The following SMOC1 variants were observed in gnomAD, a reference collection of about 807,000 sequenced individuals.
SMOC1 encodes the protein SPARC-related modular calcium-binding protein 1.
Under a neutral mutation model 56.3 loss-of-function variants are expected in SMOC1, and 22 were observed. The observed-to-expected ratio is 0.39, with a 90% CI of 0.28 to 0.56. The LOEUF (loss-of-function observed/expected upper bound fraction) is 0.56, where lower values mean the gene tolerates loss of function less well. Among genes scored for constraint, SMOC1 ranks in the 20% least tolerant of loss-of-function variants. SMOC1 has a pLI of 0.61. For missense variants in SMOC1, 509 were observed against 565.4 expected (o/e 0.90, Z 1.01); for synonymous variants, 193 against 215.0 (o/e 0.90, Z 0.89).
chr14:69,950,514 G>C (rs1160826695), intron 1 of SMOC1, among the ~76,000 whole-genome samples: 1 of 152,238 alleles, frequency 6.6e-6, no homozygotes, highest in East Asian at 1.9e-4. Context: ...AGCTTGGTTT[G>C]ATTACATAGT....
At chr14:69,965,227 A>C (rs2139477240) in intron 3 of SMOC1, among the ~76,000 whole-genome samples, 1 of 152,022 alleles carries the variant, frequency 6.6e-6, no homozygotes, top group African/African-American at 2.4e-5. Flanking sequence ...AAAACACACA[A>C]AAAATTAGCC....
chr14:69,910,011 T>C (rs1350845797), intron 1 of SMOC1, among the ~76,000 whole-genome samples: 1 of 152,240 alleles, frequency 6.6e-6, no homozygotes, highest in Non-Finnish European at 1.5e-5. Context: ...AGCAGATGGT[T>C]TCCTCCTGGC....
At chr14:69,997,978 TC>T (rs1884829104) in intron 7 of SMOC1, among the ~76,000 whole-genome samples, 1 of 152,136 alleles carries the variant, frequency 6.6e-6, no homozygotes, top group Non-Finnish European at 1.5e-5. Context: ...ACCCCACACA[TC>T]CTTTTTTCAC....
At chr14:69,892,747 C>G (rs1465171280) in intron 1 of SMOC1, among the ~76,000 whole-genome samples, 1 of 152,180 alleles carries the variant, frequency 6.6e-6, no homozygotes, top group Non-Finnish European at 1.5e-5. Context: ...GTCTTATCAT[C>G]TGTACATTTT....
intron 1 of SMOC1, among the ~76,000 whole-genome samples, chr14:69,936,082 C>T (rs1594811119): frequency 6.6e-6 from 1 of 152,160 alleles, no homozygotes; most frequent in East Asian, 1.9e-4. Flanking sequence ...GCATGTCTTG[C>T]AAGGTCTTAT....
intron 3 of SMOC1, among the ~76,000 whole-genome samples, chr14:69,972,681 A>G (rs1402407067): frequency 6.6e-6 from 1 of 152,178 alleles, no homozygotes; most frequent in South Asian, 2.1e-4. Flanking sequence ...ACTGGGATAC[A>G]ATGGGCACAC....
chr14:70,022,998 G>A (rs1047337491), intron 10 of SMOC1, among the ~76,000 whole-genome samples: 1 of 152,222 alleles, frequency 6.6e-6, no homozygotes, highest in Non-Finnish European at 1.5e-5. Flanking sequence ...CACCTGGGGA[G>A]TCCTGAGAAA....
intron 1 of SMOC1, among the ~76,000 whole-genome samples, chr14:69,900,032 A>G (rs1884201488): frequency 2.0e-5 from 3 of 152,308 alleles, no homozygotes; most frequent in African/African-American, 7.2e-5. Context: ...AGCTTCTTAC[A>G]TACTCGCCAT....
At chr14:69,910,190 T>C (rs182972835) in intron 1 of SMOC1, among the ~76,000 whole-genome samples, 8 of 152,374 alleles carry the variant, frequency 5.3e-5, no homozygotes, top group Non-Finnish European at 1.2e-4. Flanking sequence ...TTTATTTCTG[T>C]CAACTGGTTC....
At chr14:69,908,139 T>TG (rs1353826996) in intron 1 of SMOC1, among the ~76,000 whole-genome samples, 10 of 152,200 alleles carry the variant, frequency 6.6e-5, no homozygotes, top group African/African-American at 2.4e-4. Flanking sequence ...GGATTCAGTG[T>TG]GGGGAAAAAA....
chr14:69,898,483 T>C lies in SMOC1; in HGVS notation c.99+18706T>C, dbSNP rs557162104. 2.0e-5 allele frequency among the ~76,000 whole-genome samples: 3 copies of C among 152,260 alleles called. No individual in the cohort carries two copies. The South Asian group carries it at 6.2e-4, about 32-fold the overall frequency. ...AATTCTGTTTTTTTTTTCCAGTCTTTTTTCTCTTTGCTTTTCAGTTTTGGA... is the reference window on the plus strand; with the variant it reads ...AATTCTGTTTTTTTTTTCCAGTCTTCTTTCTCTTTGCTTTTCAGTTTTGGA... On this transcript the variant is annotated intron_variant, in intron 1 of 11. Transcript: ENST00000361956.
At chr14:69,950,729 G>A (rs1882964507) in intron 1 of SMOC1, among the ~76,000 whole-genome samples, 1 of 152,190 alleles carries the variant, frequency 6.6e-6, no homozygotes, top group African/African-American at 2.4e-5. Flanking sequence ...CTCATGGATT[G>A]TAATAGCCCA....
intron 11 of SMOC1, among the ~76,000 whole-genome samples, chr14:70,023,797 G>A (rs987491981): frequency 6.6e-6 from 1 of 151,346 alleles, no homozygotes; most frequent in African/African-American, 2.4e-5. Context: ...ATGGTCGCAG[G>A]TTGTAGGGTG....
At chr14:69,912,656 C>A (rs1244335742) in intron 1 of SMOC1, among the ~76,000 whole-genome samples, 2 of 152,180 alleles carry the variant, frequency 1.3e-5, no homozygotes, top group Non-Finnish European at 2.9e-5. Context: ...TGTCATCATC[C>A]TTCAGTTGTG....
At position 70,032,272 on chromosome 14, in the gene SMOC1, G is replaced by A. The variant is rs976568835; in HGVS notation, c.*2014G>A. The A allele has an allele frequency of 6.6e-6, 1 of 152,330 alleles. No individual in the cohort carries two copies. Among genetic ancestry groups the A allele is most frequent in the African/African-American group, 2.4e-5 (1 of 41,460 alleles). 9.4% of individuals were successfully genotyped at this position (152,330 alleles called of 1,614,324 possible). A position where few individuals can be genotyped will look rare whatever the true frequency, so the allele number is the denominator to read the frequency against. On this transcript the variant is annotated 3_prime_UTR_variant, in exon 12 of 12. Coordinates refer to ENST00000361956, the MANE Select transcript of SMOC1 (RefSeq NM_001034852.3). The stretch of plus-strand genomic sequence containing the variant: ...GGCATCTTGTCTCCCACAGGATCGT[G>A]TGTGTAGGTGGTGTTGTGTGGTTTT...
chr14:70,007,450 T>C (rs1030908297), intron 7 of SMOC1, among the ~76,000 whole-genome samples: 1 of 152,234 alleles, frequency 6.6e-6, no homozygotes, highest in Non-Finnish European at 1.5e-5. Context: ...GTACAAGATT[T>C]GTAGCGTGCT....
chr14:70,023,384 C>T lies in SMOC1; in HGVS notation c.1228C>T (p.Leu410=). Residue 410 remains leucine, a synonymous_variant, in exon 11 of 12, where the codon CTG becomes TTG. Coordinates refer to ENST00000361956, the MANE Select transcript of SMOC1 (RefSeq NM_001034852.3). ...CARRFTDYCD[L]NKDKVISLPE... ...CCGGCGTTTCACCGACTACTGTGACCTGAACAAAGACAAGGTCATTTCACT... is the reference window on the plus strand; with the variant it reads ...CCGGCGTTTCACCGACTACTGTGACTTGAACAAAGACAAGGTCATTTCACT... 1 of 1,614,124 alleles carries T rather than the reference C, an allele frequency of 6.2e-7. No homozygotes were observed. Among genetic ancestry groups the T allele is most frequent in the Non-Finnish European group, 8.5e-7 (1 of 1,180,024 alleles).
intron 5 of SMOC1, among the ~76,000 whole-genome samples, chr14:69,980,096 T>G (rs1199316527): frequency 6.6e-6 from 1 of 152,144 alleles, no homozygotes; most frequent in Non-Finnish European, 1.5e-5. Context: ...GATGTCAGTT[T>G]ACAGTCAACA....
intron 8 of SMOC1, 51 bp downstream of exon 8, chr14:70,010,997 C>T (rs780217757): frequency 1.3e-6 from 2 of 1,599,436 alleles, no homozygotes; most frequent in Non-Finnish European, 1.7e-6. Context: ...TGGCTGTTAT[C>T]CATGCTGGCA....
Sources: allele counts gnomAD v4.1 joint callset (sites outside exome capture counted in the v4.1 genomes callset), GRCh38; gene constraint gnomAD v4.1.1; transcripts MANE v1.5; gene names NCBI Gene and HGNC (gene_info 2026-07-23, HGNC 2026-07-21).